RAB3C: variants seen among roughly 807,000 people sequenced by gnomAD.
RAB3C encodes RAB3C, member RAS oncogene family.
A neutral mutation model predicts 26.4 loss-of-function variants in RAB3C; 17 were observed. The ratio of observed to expected loss-of-function variants is 0.64; its 90% CI spans 0.44 to 0.97. The LOEUF (loss-of-function observed/expected upper bound fraction) is 0.97. Among genes scored for constraint, RAB3C ranks in the 50% least tolerant of loss-of-function variants. The pLI is 0.00. For synonymous variants in RAB3C, 91 were observed against 95.9 expected, an observed-to-expected ratio of 0.95 and a Z score of 0.30; for missense variants, 242 against 281.9, an observed-to-expected ratio of 0.86 and a Z score of 1.01.
In RAB3C at chr5:58,853,906, G is replaced by C. The variant is rs913979368; in HGVS notation, c.*2555G>C. The C allele has an allele frequency of 2.0e-5, 3 of 152,034 alleles. No individual in the cohort carries two copies. The allele number at this position is 152,034 out of a possible 1,614,324, so 9.4% of individuals were successfully genotyped here. A position where few individuals can be genotyped will look rare whatever the true frequency, so the allele number is the denominator to read the frequency against. ...CTGCTGTAATTGCATCAAAAAATCC[G>C]GGTTTTAACATCAAATTTGGCAAAT... is the stretch of plus-strand genomic sequence containing the variant. On this transcript the variant is annotated 3_prime_UTR_variant, in exon 5 of 5. Coordinates refer to ENST00000282878, the MANE Select transcript of RAB3C (RefSeq NM_138453.4).
chr5:58,768,710 G>T (rs981645128), intron 3 of RAB3C, among the ~76,000 whole-genome samples: 1 of 151,846 alleles, frequency 6.6e-6, no homozygotes, highest in African/African-American at 2.4e-5. Context: ...TGCCCCAGAA[G>T]CTTGCTGAGT....
intron 3 of RAB3C, among the ~76,000 whole-genome samples, chr5:58,775,969 A>G (rs1742131028): frequency 6.6e-6 from 1 of 152,060 alleles, no homozygotes; most frequent in Non-Finnish European, 1.5e-5. Flanking sequence ...TGCCTGTCCC[A>G]CAAACTTGCA....
chr5:58,724,223 C>T (rs1447391081), intron 2 of RAB3C, among the ~76,000 whole-genome samples: 3 of 151,600 alleles, frequency 2.0e-5, no homozygotes, highest in East Asian at 1.9e-4. Context: ...GTGTGCTGCT[C>T]TCTGTGGGAA....
intron 2 of RAB3C, among the ~76,000 whole-genome samples, chr5:58,688,367 C>T (rs1198732311): frequency 6.6e-6 from 1 of 152,076 alleles, no homozygotes; most frequent in Non-Finnish European, 1.5e-5. Flanking sequence ...GTAGCATTTC[C>T]AGGACCCAGA....
At chr5:58,585,134 T>C (rs1312180286) in intron 1 of RAB3C, among the ~76,000 whole-genome samples, 1 of 152,072 alleles carries the variant, frequency 6.6e-6, no homozygotes, top group Non-Finnish European at 1.5e-5. Context: ...ATGTACATTT[T>C]AGGAAATCAA....
intron 4 of RAB3C, among the ~76,000 whole-genome samples, chr5:58,849,575 T>C (rs1424587523): frequency 6.6e-6 from 1 of 152,190 alleles, no homozygotes; most frequent in Non-Finnish European, 1.5e-5. Context: ...CATATAAGCA[T>C]TGTCCAGAGA....
intron 1 of RAB3C, among the ~76,000 whole-genome samples, chr5:58,608,938 G>A (rs1369867746): frequency 4.6e-5 from 7 of 152,058 alleles, no homozygotes; most frequent in African/African-American, 1.4e-4. Flanking sequence ...TATCACACAA[G>A]GACAGAAAAC....
chr5:58,637,930 A>G (rs1036464145), intron 2 of RAB3C, among the ~76,000 whole-genome samples: 3 of 152,186 alleles, frequency 2.0e-5, no homozygotes, highest in African/African-American at 7.2e-5. Context: ...TTAAATATAC[A>G]TTGAAATCCT....
At chr5:58,663,793 G>C (rs1747950504) in intron 2 of RAB3C, among the ~76,000 whole-genome samples, 1 of 152,148 alleles carries the variant, frequency 6.6e-6, no homozygotes, top group South Asian at 2.1e-4. Flanking sequence ...ACGGCAAAAA[G>C]CTGAAAATGA....
intron 2 of RAB3C, among the ~76,000 whole-genome samples, chr5:58,649,285 G>A (rs1561278291): frequency 6.6e-6 from 1 of 152,044 alleles, no homozygotes; most frequent in South Asian, 2.1e-4. Flanking sequence ...CTTCTGATTA[G>A]TTGATGCCTA....
intron 2 of RAB3C, among the ~76,000 whole-genome samples, chr5:58,685,486 C>A (rs1270402290): frequency 6.6e-6 from 1 of 152,150 alleles, no homozygotes; most frequent in Non-Finnish European, 1.5e-5. Flanking sequence ...GAATAACTCT[C>A]CATCTCAAGA....
At chr5:58,766,912 T>C (rs1438416258) in intron 3 of RAB3C, among the ~76,000 whole-genome samples, 1 of 152,144 alleles carries the variant, frequency 6.6e-6, no homozygotes, top group African/African-American at 2.4e-5. Context: ...GGAGTCTAAG[T>C]ACCACGAAGT....
intron 2 of RAB3C, among the ~76,000 whole-genome samples, chr5:58,636,012 G>A (rs1314189008): frequency 6.6e-6 from 1 of 152,148 alleles, no homozygotes; most frequent in African/African-American, 2.4e-5. Flanking sequence ...GTTAAAGAAC[G>A]GGCCAAAGAG....
chr5:58,692,874 G>A (rs1419329624), intron 2 of RAB3C, among the ~76,000 whole-genome samples: 10 of 152,032 alleles, frequency 6.6e-5, no homozygotes, highest in Non-Finnish European at 8.8e-5. Flanking sequence ...TTGGGAGGCC[G>A]AGGTGGGTGG....
At chr5:58,674,943 G>A (rs565328837) in intron 2 of RAB3C, among the ~76,000 whole-genome samples, 2 of 152,102 alleles carry the variant, frequency 1.3e-5, no homozygotes, top group East Asian at 1.9e-4. Context: ...ATGACTTTAT[G>A]CACCTCCATT....
At chr5:58,836,601 T>C (rs1743753063) in intron 4 of RAB3C, among the ~76,000 whole-genome samples, 2 of 152,186 alleles carry the variant, frequency 1.3e-5, no homozygotes, top group Admixed American at 1.3e-4. Context: ...GATCAACTTT[T>C]TTTAGCTTCC....
rs1371944251 is a variant in RAB3C at position 58,859,313 on chromosome 5, A to G, written c.*7962A>G. The G allele has an allele frequency of 6.6e-6, 1 of 152,252 alleles. No homozygotes were observed. The highest frequency in any genetic ancestry group is 1.5e-5 in the Non-Finnish European group (1 of 68,044). 9.4% of individuals were successfully genotyped at this position (152,252 alleles called of 1,614,324 possible). ...GGTATTCAGTTTGTATGTGAATTCTATAAAGAAAGTGGTTTTTGTTCTTTG... is the reference window on the plus strand; with the variant it reads ...GGTATTCAGTTTGTATGTGAATTCTGTAAAGAAAGTGGTTTTTGTTCTTTG... On this transcript the variant is annotated 3_prime_UTR_variant, in exon 5 of 5. Coordinates refer to ENST00000282878, the MANE Select transcript of RAB3C (RefSeq NM_138453.4).
At chr5:58,849,555 A>G (rs1046241620) in intron 4 of RAB3C, among the ~76,000 whole-genome samples, 3 of 152,192 alleles carry the variant, frequency 2.0e-5, no homozygotes, top group Non-Finnish European at 1.5e-5. Context: ...AATGTAGACT[A>G]TAAGAGAGCC....
At chr5:58,733,216 A>G (rs111825870) in intron 3 of RAB3C, among the ~76,000 whole-genome samples, 29 of 152,300 alleles carry the variant, frequency 1.9e-4, no homozygotes, top group African/African-American at 6.5e-4. Context: ...CTCAATATTC[A>G]TGGAATGAGT....
Sources: allele counts gnomAD v4.1 joint callset (sites outside exome capture counted in the v4.1 genomes callset), GRCh38; gene constraint gnomAD v4.1.1; transcripts MANE v1.5; gene names NCBI Gene and HGNC (gene_info 2026-07-23, HGNC 2026-07-21).